The following LMBR1 variants were observed in gnomAD, a reference collection of about 807,000 sequenced individuals.
LMBR1 encodes limb region 1 protein homolog.
In LMBR1, 52 loss-of-function variants were observed where a neutral mutation model predicts 73.9. That is an observed-to-expected ratio of 0.70 (90% CI 0.56 to 0.89). The LOEUF (loss-of-function observed/expected upper bound fraction) is 0.89, where lower values mean the gene tolerates loss of function less well. Ranked by LOEUF, LMBR1 falls within the 40% of genes least tolerant of loss-of-function variation. The pLI is 0.00. For synonymous variants in LMBR1, 215 were observed against 209.4 expected (o/e 1.03, Z -0.23); for missense variants, 539 against 579.8 (o/e 0.93, Z 0.72).
In LMBR1 at chr7:156,833,770, G is replaced by A. The variant is rs1324734603; in HGVS notation, c.162C>T (p.Ala54=). ...ATACATACGAAATCCTGTTGACGAT[G>A]GCATCTTCATCTTCTTGTTCATCTG... ...RKSDEQEDED[A]IVNRISLFLS... Residue 54 remains alanine (A), a synonymous_variant, in exon 3 of 17, where the codon GCC becomes GCT. Coordinates refer to ENST00000353442, the MANE Select transcript of LMBR1 (RefSeq NM_022458.4). 6.3e-7 allele frequency: 1 copy of A among 1,598,672 alleles called. No homozygotes were observed. The highest frequency in any genetic ancestry group is 8.5e-7 in the Non-Finnish European group (1 of 1,172,464).
chr7:156,834,464 A>C (rs1837244866), intron 2 of LMBR1: 1 of 225,824 alleles, frequency 4.4e-6, no homozygotes, highest in African/African-American at 2.4e-5. Context: ...TTAACTAGGC[A>C]TGGTGGCACA....
chr7:156,800,018 G>T (rs1585870795), intron 4 of LMBR1, among the ~76,000 whole-genome samples: 1 of 152,308 alleles, frequency 6.6e-6, no homozygotes, highest in Non-Finnish European at 1.5e-5. Context: ...CCAGAGGTTG[G>T]TTCATGAGGT....
chr7:156,777,310 T>C (rs559226661), intron 5 of LMBR1, among the ~76,000 whole-genome samples: 33 of 152,314 alleles, frequency 2.2e-4, no homozygotes, highest in Non-Finnish European at 3.4e-4. Context: ...CCAACTACAA[T>C]TGACTTTCCT....
At chr7:156,766,782 C>T (rs1379253942) in intron 5 of LMBR1, among the ~76,000 whole-genome samples, 1 of 152,094 alleles carries the variant, frequency 6.6e-6, no homozygotes, top group African/African-American at 2.4e-5. Flanking sequence ...TGAGGCTGAG[C>T]CCACTGCTGG....
At chr7:156,714,797 T>G (rs929508923) in intron 15 of LMBR1, among the ~76,000 whole-genome samples, 1 of 152,116 alleles carries the variant, frequency 6.6e-6, no homozygotes, top group African/African-American at 2.4e-5. Context: ...CCTTATCAAG[T>G]GCCTGGCACT....
chr7:156,671,562 T>C (rs1057064384), intron 4 of LMBR1, among the ~76,000 whole-genome samples: 1 of 152,214 alleles, frequency 6.6e-6, no homozygotes, highest in South Asian at 2.1e-4. Flanking sequence ...GATGTCATCA[T>C]AGGTCGAGAC....
intron 5 of LMBR1, among the ~76,000 whole-genome samples, chr7:156,781,196 T>C (rs927936272): frequency 2.0e-5 from 3 of 152,244 alleles, no homozygotes; most frequent in African/African-American, 7.2e-5. Flanking sequence ...TATTAAGTTT[T>C]AAAATATAAT....
At chr7:156,860,305 A>G (rs1797552468) in intron 1 of LMBR1, among the ~76,000 whole-genome samples, 1 of 152,220 alleles carries the variant, frequency 6.6e-6, no homozygotes, top group Non-Finnish European at 1.5e-5. Context: ...GGCAAAGAGA[A>G]GAGTTTGTGC....
At chr7:156,782,990 G>T (rs1827421659) in intron 5 of LMBR1, among the ~76,000 whole-genome samples, 1 of 152,110 alleles carries the variant, frequency 6.6e-6, no homozygotes, top group Non-Finnish European at 1.5e-5. Context: ...TTTGATAGAG[G>T]AAGTTCCATC....
intron 15 of LMBR1, among the ~76,000 whole-genome samples, chr7:156,692,171 G>T (rs1360612685): frequency 6.6e-6 from 1 of 152,142 alleles, no homozygotes; most frequent in African/African-American, 2.4e-5. Context: ...AGCCCTCCTG[G>T]GTTCAAGCGA....
intron 1 of LMBR1, among the ~76,000 whole-genome samples, chr7:156,843,477 T>C (rs1188650314): frequency 6.6e-6 from 1 of 152,132 alleles, no homozygotes; most frequent in Non-Finnish European, 1.5e-5. Flanking sequence ...GCTGCAAGAA[T>C]AGAATGTTTT....
intron 10 of LMBR1, among the ~76,000 whole-genome samples, chr7:156,733,167 A>AAAACC (rs1278019798): frequency 9.9e-5 from 15 of 152,152 alleles, no homozygotes; most frequent in Admixed American, 6.5e-4. Context: ...AAAACAAAAC[A>AAAACC]AAAAGAAATA....
intron 9 of LMBR1, among the ~76,000 whole-genome samples, chr7:156,741,596 A>C (rs757920721): frequency 2.0e-5 from 3 of 152,156 alleles, no homozygotes; most frequent in Non-Finnish European, 2.9e-5. Flanking sequence ...AATTCTGCAA[A>C]AGGGTATAAC....
At chr7:156,753,127 T>G (rs1293628132) in intron 9 of LMBR1, among the ~76,000 whole-genome samples, 1 of 151,946 alleles carries the variant, frequency 6.6e-6, no homozygotes, top group Non-Finnish European at 1.5e-5. Context: ...AGAACTTGGA[T>G]GGGTTATGTC....
chr7:156,676,984 A>T (rs1045044518), downstream of LMBR1: 28 of 240,050 alleles, frequency 1.2e-4, no homozygotes, highest in African/African-American at 5.3e-4. Flanking sequence ...TTCCAAATGT[A>T]AAACACTCCT....
chr7:156,735,236 T>TTC (rs1817631767), intron 9 of LMBR1, among the ~76,000 whole-genome samples: 1 of 152,186 alleles, frequency 6.6e-6, no homozygotes, highest in Non-Finnish European at 1.5e-5. Context: ...TAATTTACAT[T>TTC]TCTATCAATA....
At chr7:156,779,769 C>G (rs1303608979) in intron 5 of LMBR1, 1 of 1,025,148 alleles carries the variant, frequency 9.8e-7, no homozygotes, top group Non-Finnish European at 1.3e-6. Context: ...TACACTATGT[C>G]TCTACCCATT....
intron 4 of LMBR1, among the ~76,000 whole-genome samples, chr7:156,824,420 A>T (rs1048187618): frequency 6.6e-6 from 1 of 152,186 alleles, no homozygotes; most frequent in African/African-American, 2.4e-5. Context: ...TAAAACTAGT[A>T]ATCTCTTAAA....
intron 15 of LMBR1, among the ~76,000 whole-genome samples, chr7:156,722,907 C>T (rs539240162): frequency 4.0e-5 from 6 of 151,876 alleles, no homozygotes; most frequent in Non-Finnish European, 7.4e-5. Context: ...AATGAGTTTC[C>T]TAAGTATTAA....
Sources: allele counts gnomAD v4.1 joint callset (sites outside exome capture counted in the v4.1 genomes callset), GRCh38; gene constraint gnomAD v4.1.1; transcripts MANE v1.5; gene names NCBI Gene and HGNC (gene_info 2026-07-23, HGNC 2026-07-21).